RABGAP1L: variants seen among roughly 807,000 people sequenced by gnomAD.
RABGAP1L encodes the protein RAB GTPase activating protein 1 like.
RABGAP1L carries 63 observed loss-of-function variants against 137.7 expected under a neutral mutation model. The ratio of observed to expected loss-of-function variants is 0.46; its 90% confidence interval spans 0.37 to 0.56. The LOEUF is 0.56. Ranked by LOEUF, RABGAP1L falls within the 20% of genes least tolerant of loss-of-function variation. The probability of loss-of-function intolerance (pLI) is 0.00; values close to 1 mark genes in which losing one functional copy is unlikely to be tolerated. For synonymous variants in RABGAP1L, 431 were observed against 433.7 expected (o/e 0.99, Z 0.08); for missense variants, 1,095 against 1,244.0 (o/e 0.88, Z 1.80).
chr1:174,247,880 T>A (rs1672394560), intron 5 of RABGAP1L, among the ~76,000 whole-genome samples: 1 of 152,096 alleles, frequency 6.6e-6, no homozygotes, highest in Admixed American at 6.6e-5. Context: ...TCTGTCTCTG[T>A]ATGGGGAGCC....
intron 13 of RABGAP1L, among the ~76,000 whole-genome samples, chr1:174,409,066 A>G (rs1240269287): frequency 6.6e-6 from 1 of 152,138 alleles, no homozygotes; most frequent in African/African-American, 2.4e-5. Context: ...CTTCAGTTTA[A>G]TTAGGTCCTA....
At chr1:174,821,654 T>C (rs1236337233) in intron 19 of RABGAP1L, among the ~76,000 whole-genome samples, 3 of 152,252 alleles carry the variant, frequency 2.0e-5, no homozygotes, top group Admixed American at 2.0e-4. Context: ...TTACCTCTAA[T>C]TTCTTCATGC....
At chr1:174,549,071 G>A (rs572218252) in intron 13 of RABGAP1L, among the ~76,000 whole-genome samples, 1 of 152,244 alleles carries the variant, frequency 6.6e-6, no homozygotes, top group East Asian at 1.9e-4. Flanking sequence ...CTGTGTGAGT[G>A]CAAAGTGGAT....
intron 13 of RABGAP1L, among the ~76,000 whole-genome samples, chr1:174,540,208 G>T (rs960633604): frequency 6.6e-6 from 1 of 151,932 alleles, no homozygotes; most frequent in East Asian, 1.9e-4. Flanking sequence ...TTGTCAGATG[G>T]GTAGATTGTA....
chr1:174,615,127 G>A (rs1401318699), intron 13 of RABGAP1L, among the ~76,000 whole-genome samples: 2 of 152,208 alleles, frequency 1.3e-5, no homozygotes, highest in Admixed American at 6.5e-5. Flanking sequence ...GTGAGGAACT[G>A]CGTTCCTTTG....
At chr1:174,219,072 G>C in intron 1 of RABGAP1L, 53 bp from the exon 2 acceptor site, 2 of 1,300,844 alleles carry the variant, frequency 1.5e-6, no homozygotes, top group Admixed American at 2.5e-5. Flanking sequence ...TTTTTAATTA[G>C]TTCATGTTTT....
At chr1:174,451,698 TTTTA>T (rs1329152416) in intron 13 of RABGAP1L, among the ~76,000 whole-genome samples, 2 of 152,144 alleles carry the variant, frequency 1.3e-5, no homozygotes, top group Non-Finnish European at 2.9e-5. Flanking sequence ...TTTCTCTGAG[TTTTA>T]TTTATTTTTT....
chr1:174,761,223 T>C lies in RABGAP1L; in HGVS notation c.2211+8869T>C, dbSNP rs193001454. On this transcript the variant is annotated intron_variant, in intron 18 of 25. Coordinates refer to ENST00000681986, the MANE Select transcript of RABGAP1L (RefSeq NM_001366446.1). The surrounding 1 kb of genome is among the most constrained non-coding windows in gnomAD (Gnocchi z 4.0). The stretch of plus-strand genomic sequence containing the variant: ...GTAGGGAAACTCTTGTTTTTATTTA[T>C]TTATTTATTTTTTAATTTAAAAGTA... Among the ~76,000 whole-genome samples the C allele has an allele frequency of 6.6e-6, 1 of 152,162 alleles. No homozygotes were observed. Among genetic ancestry groups the C allele is most frequent in the African/African-American group, 2.4e-5 (1 of 41,512 alleles).
intron 13 of RABGAP1L, among the ~76,000 whole-genome samples, chr1:174,628,825 A>T (rs987167072): frequency 6.6e-6 from 1 of 151,892 alleles, no homozygotes; most frequent in African/African-American, 2.4e-5. Context: ...CATTCTGGAG[A>T]AAACTGGCAG....
chr1:174,337,830 TA>T (rs1384830295), intron 11 of RABGAP1L, among the ~76,000 whole-genome samples: 1 of 152,192 alleles, frequency 6.6e-6, no homozygotes, highest in Admixed American at 6.5e-5. Flanking sequence ...TTTATTAATT[TA>T]AAAAATATTT....
At chr1:174,712,502 A>G (rs1680635461) in intron 17 of RABGAP1L, among the ~76,000 whole-genome samples, 1 of 152,162 alleles carries the variant, frequency 6.6e-6, no homozygotes, top group Non-Finnish European at 1.5e-5. Flanking sequence ...ACCATAAGGA[A>G]GAAACTCCAG....
At chr1:174,590,450 C>A (rs1296247511) in intron 13 of RABGAP1L, among the ~76,000 whole-genome samples, 1 of 114,654 alleles carries the variant, frequency 8.7e-6, no homozygotes. Flanking sequence ...GCTGCACCCA[C>A]TAACGTGTCA....
intron 13 of RABGAP1L, among the ~76,000 whole-genome samples, chr1:174,404,703 GAA>G (rs1049484508): frequency 8.4e-4 from 128 of 152,168 alleles, no homozygotes; most frequent in African/African-American, 2.9e-3. Flanking sequence ...TTAATTAACT[GAA>G]AAAATATCGA....
At chr1:174,164,105 C>T (rs1419200995) in intron 1 of RABGAP1L, among the ~76,000 whole-genome samples, 2 of 150,412 alleles carry the variant, frequency 1.3e-5, no homozygotes, top group Non-Finnish European at 3.0e-5. Context: ...TTACCCCCTA[C>T]CTGCCCCCCA....
intron 14 of RABGAP1L, among the ~76,000 whole-genome samples, chr1:174,646,875 C>G (rs1183240270): frequency 6.6e-6 from 1 of 152,152 alleles, no homozygotes; most frequent in Non-Finnish European, 1.5e-5. Flanking sequence ...TTTGTGTCCT[C>G]TCTTATTTCC....
chr1:174,694,186 T>C (rs1432698362), intron 15 of RABGAP1L, among the ~76,000 whole-genome samples: 1 of 152,096 alleles, frequency 6.6e-6, no homozygotes, highest in Non-Finnish European at 1.5e-5. Context: ...CCATTTTTTT[T>C]CTTTTTTTAT....
chr1:174,932,472 T>C (rs1057406610), intron 19 of RABGAP1L, among the ~76,000 whole-genome samples: 12 of 152,122 alleles, frequency 7.9e-5, no homozygotes, highest in African/African-American at 2.2e-4. Context: ...AAGAATATTA[T>C]AGAAGTGATG....
chr1:174,682,271 A>ACT (rs148219630), intron 14 of RABGAP1L, among the ~76,000 whole-genome samples: 29,023 of 140,424 alleles, frequency 0.21, 3,099 homozygotes, highest in Admixed American at 0.24. Flanking sequence ...ACAAAGCAAA[A>ACT]CTCTCTCTCT....
intron 13 of RABGAP1L, among the ~76,000 whole-genome samples, chr1:174,501,378 G>A (rs1336458088): frequency 6.6e-6 from 1 of 151,830 alleles, no homozygotes; most frequent in African/African-American, 2.4e-5. Context: ...AAGCAGAGAG[G>A]GGGTTTCACC....
Sources: gnomAD v4.1 joint callset for allele counts (sites outside exome capture counted in the v4.1 genomes callset) on GRCh38, gnomAD v4.1.1 for gene constraint, Gnocchi (gnomAD v3.1) non-coding constraint, MANE v1.5 for transcripts, NCBI Gene and HGNC (gene_info 2026-07-23, HGNC 2026-07-21) for gene names.